Variants in HDAC9 observed in about 807,000 individuals in gnomAD.
HDAC9 encodes the protein histone deacetylase 9.
HDAC9 carries 41 observed loss-of-function variants against 139.4 expected under a neutral mutation model. The ratio of observed to expected loss-of-function variants is 0.29; its 90% CI spans 0.23 to 0.38. HDAC9 has a LOEUF of 0.38. HDAC9 is among the 10% of genes least tolerant of loss of function. The probability of loss-of-function intolerance (pLI) is 1.00; values close to 1 mark genes in which losing one functional copy is unlikely to be tolerated. For missense variants in HDAC9, 1,147 were observed against 1,297.0 expected, an observed-to-expected ratio of 0.88 and a Z score of 1.78; for synonymous variants, 517 against 476.2, an observed-to-expected ratio of 1.09 and a Z score of -1.12.
At chr7:18,578,166 T>C (rs1488756127) in intron 2 of HDAC9, 1 of 518,830 alleles carries the variant, frequency 1.9e-6, no homozygotes, top group Non-Finnish European at 3.8e-6. Flanking sequence ...AGAAACAAGA[T>C]GGTGAGTGAC....
chr7:18,247,613 G>C (rs987922593), intron 2 of HDAC9, among the ~76,000 whole-genome samples: 1 of 152,142 alleles, frequency 6.6e-6, no homozygotes, highest in Non-Finnish European at 1.5e-5. Flanking sequence ...AATGAGGGCA[G>C]TACCCCCTTC....
At chr7:18,504,986 G>T (rs950879123) in intron 2 of HDAC9, among the ~76,000 whole-genome samples, 1 of 152,154 alleles carries the variant, frequency 6.6e-6, no homozygotes, top group African/African-American at 2.4e-5. Context: ...CTTAATCCTG[G>T]GAGGTTTAAG....
intron 12 of HDAC9, among the ~76,000 whole-genome samples, chr7:18,693,257 A>G (rs575821510): frequency 2.3e-4 from 35 of 152,190 alleles, no homozygotes; most frequent in South Asian, 1.9e-3. Flanking sequence ...CAAAAATAGC[A>G]TTATTTCTAT....
At chr7:18,796,901 A>G (rs1792852244) in intron 17 of HDAC9, among the ~76,000 whole-genome samples, 1 of 152,206 alleles carries the variant, frequency 6.6e-6, no homozygotes, top group East Asian at 1.9e-4. Context: ...TAAAATAGTC[A>G]AAGTTGCTTT....
intron 1 of HDAC9, among the ~76,000 whole-genome samples, chr7:18,348,104 A>G (rs746132600): frequency 8.5e-5 from 13 of 152,172 alleles, no homozygotes; most frequent in Non-Finnish European, 1.9e-4. Flanking sequence ...CTGGTTTAAA[A>G]TATCAGTTTC....
At chr7:18,907,088 A>C (rs931053237) in intron 22 of HDAC9, 1 of 152,208 alleles carries the variant, frequency 6.6e-6, no homozygotes, top group Non-Finnish European at 1.5e-5. Context: ...CATAGAAACC[A>C]CAAGGAGGCA....
upstream of HDAC9, among the ~76,000 whole-genome samples, chr7:18,288,248 A>G (rs1213426712): frequency 6.6e-6 from 1 of 152,224 alleles, no homozygotes; most frequent in Non-Finnish European, 1.5e-5. Context: ...ATTTTTTATG[A>G]ATAAGAAATA....
chr7:18,289,609 T>A (rs988367847), upstream of HDAC9, among the ~76,000 whole-genome samples: 1 of 152,174 alleles, frequency 6.6e-6, no homozygotes, highest in Non-Finnish European at 1.5e-5. Flanking sequence ...TCCTTAGATA[T>A]GGTGGGAAAG....
chr7:18,206,214 T>C (rs1791500032), intron 2 of HDAC9, among the ~76,000 whole-genome samples: 1 of 152,186 alleles, frequency 6.6e-6, no homozygotes. Flanking sequence ...TTTCTATCAT[T>C]GCAGCTGTTA....
chr7:18,229,789 G>GA (rs1793327451), intron 2 of HDAC9, among the ~76,000 whole-genome samples: 1 of 152,148 alleles, frequency 6.6e-6, no homozygotes, highest in Admixed American at 6.5e-5. Flanking sequence ...TAGATCAAGG[G>GA]AAAAAATCAT....
At chr7:18,096,077 G>C (rs745551777) in intron 1 of HDAC9, among the ~76,000 whole-genome samples, 1 of 152,024 alleles carries the variant, frequency 6.6e-6, no homozygotes, top group Non-Finnish European at 1.5e-5. Flanking sequence ...ACATCTTTTC[G>C]TTCCCTTGAA....
At chr7:18,625,916 C>T (rs1033503428) in intron 6 of HDAC9, among the ~76,000 whole-genome samples, 11 of 139,776 alleles carry the variant, frequency 7.9e-5, no homozygotes, top group African/African-American at 2.5e-4. Flanking sequence ...CACTACACTC[C>T]AGCCTGGGCA....
At chr7:18,136,333 C>T (rs977029771) in intron 1 of HDAC9, among the ~76,000 whole-genome samples, 12 of 151,646 alleles carry the variant, frequency 7.9e-5, no homozygotes, top group Non-Finnish European at 1.5e-4. Context: ...CAATTTTGTC[C>T]TTTGTTGCCA....
intron 2 of HDAC9, among the ~76,000 whole-genome samples, chr7:18,170,929 G>T (rs1252584243): frequency 6.6e-6 from 1 of 152,154 alleles, no homozygotes. Flanking sequence ...GGCAATGCGG[G>T]CTCTTTTTTG....
chr7:18,468,201 A>G (rs1270003333), intron 1 of HDAC9, among the ~76,000 whole-genome samples: 1 of 152,194 alleles, frequency 6.6e-6, no homozygotes, highest in Non-Finnish European at 1.5e-5. Flanking sequence ...GTCACTAAGC[A>G]CAACTCATAA....
chr7:18,352,419 A>G (rs1782920028), intron 1 of HDAC9, among the ~76,000 whole-genome samples: 1 of 152,198 alleles, frequency 6.6e-6, no homozygotes, highest in Non-Finnish European at 1.5e-5. Flanking sequence ...TAGAAGGACT[A>G]AAATTGCAAT....
At chr7:18,929,001 G>C (rs1011453148) in intron 22 of HDAC9, among the ~76,000 whole-genome samples, 1 of 151,836 alleles carries the variant, frequency 6.6e-6, no homozygotes, top group Non-Finnish European at 1.5e-5. Flanking sequence ...TTAAAATAAA[G>C]CTAGTTAAGG....
chr7:18,286,020 A>G (rs549325726), upstream of HDAC9, among the ~76,000 whole-genome samples: 7 of 152,224 alleles, frequency 4.6e-5, no homozygotes, highest in African/African-American at 1.7e-4. Flanking sequence ...TGAACTAGCA[A>G]TTTTCAAACC....
In HDAC9 at chr7:18,987,903, C is replaced by G. The variant is rs184110702; in HGVS notation, c.3171-8120C>G. On this transcript the variant is annotated intron_variant, in intron 25 of 25. Coordinates refer to ENST00000686413, the MANE Select transcript of HDAC9 (RefSeq NM_178425.4). Reference sequence around the variant, plus strand: ...ATGGTAGTTTGTATTTCTGTGGGATCGGTGGTGATATCCTCTTTATCATTT... The same window carrying G: ...ATGGTAGTTTGTATTTCTGTGGGATGGGTGGTGATATCCTCTTTATCATTT... Among the ~76,000 whole-genome samples, 43 of 152,236 alleles carry G rather than the reference C, an allele frequency of 2.8e-4. 1 individual carries two copies. The highest frequency in any genetic ancestry group is 7.7e-4 in the East Asian group (4 of 5,180).
Sources: gnomAD v4.1 joint callset for allele counts (sites outside exome capture counted in the v4.1 genomes callset) on GRCh38, gnomAD v4.1.1 for gene constraint, MANE v1.5 for transcripts, NCBI Gene and HGNC (gene_info 2026-07-23, HGNC 2026-07-21) for gene names.